The following UNC79 variants were observed in gnomAD, a reference collection of about 807,000 sequenced individuals.
The protein encoded by UNC79 is unc-79 subunit of NALCN channel complex.
In UNC79, 37 loss-of-function variants were observed where a neutral mutation model predicts 283.1. That is an observed-to-expected ratio of 0.13 (90% CI 0.10 to 0.17). The LOEUF is 0.17. Among genes scored for constraint, UNC79 ranks in the 10% least tolerant of loss-of-function variants. The pLI, the probability that UNC79 is intolerant of heterozygous loss-of-function variation, is 1.00. For missense variants in UNC79, 2,272 were observed against 3,211.1 expected (o/e 0.71, Z 7.07); for synonymous variants, 1,107 against 1,200.2 (o/e 0.92, Z 1.61).
exon 10 of UNC79, chr14:93,529,294 G>A: frequency 6.2e-7 from 1 of 1,613,694 alleles, no homozygotes; most frequent in Non-Finnish European, 8.5e-7. Context: ...AGGGACCACA[G>A]TGAGTGGCTG....
intron 30 of UNC79, among the ~76,000 whole-genome samples, chr14:93,627,460 G>A (rs2067657820): frequency 6.6e-6 from 1 of 152,204 alleles, no homozygotes. Context: ...CAACTCACCT[G>A]GGGATTGGCC....
At chr14:93,607,257 C>CT (rs1469976479) in intron 26 of UNC79, among the ~76,000 whole-genome samples, 1 of 152,156 alleles carries the variant, frequency 6.6e-6, no homozygotes, top group Non-Finnish European at 1.5e-5. Flanking sequence ...CCCATGTGAA[C>CT]ATAGGGTGCT....
intron 1 of UNC79, among the ~76,000 whole-genome samples, chr14:93,422,896 T>C (rs2140073462): frequency 6.6e-6 from 1 of 150,414 alleles, no homozygotes; most frequent in East Asian, 2.0e-4. Flanking sequence ...CTGTCTCTAC[T>C]AAAAAAAATA....
At chr14:93,388,939 G>GC (rs1370438237) in intron 1 of UNC79, among the ~76,000 whole-genome samples, 2 of 152,170 alleles carry the variant, frequency 1.3e-5, no homozygotes, top group East Asian at 3.9e-4. Context: ...AGATTCACCA[G>GC]CTAATAGTCA....
intron 1 of UNC79, among the ~76,000 whole-genome samples, chr14:93,441,563 T>C (rs1419201193): frequency 6.6e-6 from 1 of 152,046 alleles, no homozygotes; most frequent in East Asian, 1.9e-4. Flanking sequence ...ATACTAAGAC[T>C]TCTACATAAT....
At chr14:93,649,324 G>A (rs2069985611) in intron 35 of UNC79, among the ~76,000 whole-genome samples, 1 of 152,092 alleles carries the variant, frequency 6.6e-6, no homozygotes, top group African/African-American at 2.4e-5. Context: ...CATTTTTTAT[G>A]GAAGATTTTA....
chr14:93,575,158 C>T, exon 17 of UNC79: 1 of 1,613,922 alleles, frequency 6.2e-7, no homozygotes, highest in Non-Finnish European at 8.5e-7. Flanking sequence ...CAAAGAAAAT[C>T]AAGAGTCAGT....
chr14:93,470,091 A>G (rs2057423699), intron 2 of UNC79, among the ~76,000 whole-genome samples: 1 of 152,206 alleles, frequency 6.6e-6, no homozygotes, highest in Admixed American at 6.5e-5. Flanking sequence ...GGGGAAAAAT[A>G]ACAAGAAGAA....
chr14:93,560,856 C>T (rs1466172552), intron 14 of UNC79, among the ~76,000 whole-genome samples: 1 of 151,900 alleles, frequency 6.6e-6, no homozygotes, highest in Non-Finnish European at 1.5e-5. Context: ...GGGCGGCAGC[C>T]GTCAGAGGTT....
intron 8 of UNC79, among the ~76,000 whole-genome samples, chr14:93,525,234 C>T (rs1002853021): frequency 3.9e-5 from 6 of 152,038 alleles, no homozygotes; most frequent in South Asian, 2.1e-4. Flanking sequence ...TGCCTGAGGT[C>T]GGGAGTTTGA....
intron 31 of UNC79, among the ~76,000 whole-genome samples, chr14:93,635,727 G>C (rs1270455436): frequency 6.6e-6 from 1 of 152,096 alleles, no homozygotes; most frequent in East Asian, 1.9e-4. Flanking sequence ...ACTTTATAAG[G>C]GTTCTTTACA....
At chr14:93,623,388 C>G (rs1247022214) in intron 30 of UNC79, among the ~76,000 whole-genome samples, 1 of 152,166 alleles carries the variant, frequency 6.6e-6, no homozygotes, top group South Asian at 2.1e-4. Context: ...AGACCCTAAC[C>G]CACGGTCATC....
At chr14:93,605,890 A>G (rs2065854556) in intron 26 of UNC79, among the ~76,000 whole-genome samples, 1 of 152,186 alleles carries the variant, frequency 6.6e-6, no homozygotes, top group Non-Finnish European at 1.5e-5. Flanking sequence ...AAAATTGATG[A>G]GAAAAAAGGA....
At chr14:93,443,422 T>C (rs1429860729) in intron 1 of UNC79, among the ~76,000 whole-genome samples, 1 of 82,914 alleles carries the variant, frequency 1.2e-5, no homozygotes, top group Non-Finnish European at 2.6e-5. Flanking sequence ...TCTGTCTGAC[T>C]TCTTTTTTTT....
intron 1 of UNC79, among the ~76,000 whole-genome samples, chr14:93,440,710 C>T (rs2056269515): frequency 6.6e-6 from 1 of 151,912 alleles, no homozygotes; most frequent in South Asian, 2.1e-4. Context: ...TTTAAAAGTG[C>T]ATAAATTTCC....
Position 93,590,844 on chromosome 14 carries a change from C to T in UNC79, c.3033-2836C>T, listed in dbSNP as rs77832894. 6.3e-3 allele frequency among the ~76,000 whole-genome samples: 955 copies of T among 152,326 alleles called. 7 individuals are homozygous for T. The highest frequency in any genetic ancestry group is 0.022 in the African/African-American group (914 of 41,566). ...GCCTGGTTTGCATTCTTCAACTACA[C>T]CGGAAGTTCCATGAAGGCACAAATT... On this transcript the variant is annotated intron_variant, in intron 22 of 48. Transcript: ENST00000555664.
chr14:93,560,122 A>C (rs962856992), intron 14 of UNC79, among the ~76,000 whole-genome samples: 1 of 152,192 alleles, frequency 6.6e-6, no homozygotes, highest in Admixed American at 6.5e-5. Flanking sequence ...TGAGAAACTA[A>C]ACGGAAGGTA....
At chr14:93,557,909 CAT>C (rs2062267911) in intron 14 of UNC79, among the ~76,000 whole-genome samples, 1 of 152,186 alleles carries the variant, frequency 6.6e-6, no homozygotes, top group African/African-American at 2.4e-5. Flanking sequence ...ATGACATTAT[CAT>C]GTGTCCTTTC....
intron 1 of UNC79, among the ~76,000 whole-genome samples, chr14:93,406,121 C>A (rs1166755397): frequency 6.6e-6 from 1 of 151,752 alleles, no homozygotes; most frequent in Non-Finnish European, 1.5e-5. Flanking sequence ...TTACAGGCTA[C>A]TATAGCTTTG....
Sources: gnomAD v4.1 joint callset for allele counts (sites outside exome capture counted in the v4.1 genomes callset) on GRCh38, gnomAD v4.1.1 for gene constraint, MANE v1.5 for transcripts, NCBI Gene and HGNC (gene_info 2026-07-23, HGNC 2026-07-21) for gene names.